The following CDK14 variants were observed in gnomAD, a reference collection of about 807,000 sequenced individuals.
CDK14 encodes the protein cyclin dependent kinase 14.
In CDK14, 34 loss-of-function variants were observed where a neutral mutation model predicts 60.7. That is an observed-to-expected ratio of 0.56 (90% CI 0.43 to 0.75). CDK14 has a LOEUF of 0.75. CDK14 is among the 30% of genes least tolerant of loss of function. The pLI, the probability that CDK14 is intolerant of heterozygous loss-of-function variation, is 0.00. For missense variants in CDK14, 482 were observed against 564.1 expected (o/e 0.85, Z 1.47); for synonymous variants, 197 against 203.7 (o/e 0.97, Z 0.28).
intron 2 of CDK14, among the ~76,000 whole-genome samples, chr7:90,661,636 T>G (rs1298672285): frequency 6.6e-6 from 1 of 152,212 alleles, no homozygotes; most frequent in South Asian, 2.1e-4. Context: ...GCCTTGTCAC[T>G]GTAGGTCATC....
At chr7:91,177,905 A>C (rs1801831538) in intron 14 of CDK14, among the ~76,000 whole-genome samples, 2 of 146,530 alleles carry the variant, frequency 1.4e-5, no homozygotes, top group South Asian at 4.5e-4. Flanking sequence ...TTATAGATTC[A>C]ATGCCATCCC....
chr7:90,664,837 C>G (rs994432417), intron 2 of CDK14, among the ~76,000 whole-genome samples: 3 of 151,704 alleles, frequency 2.0e-5, no homozygotes, highest in Non-Finnish European at 4.4e-5. Context: ...ATACCTAATG[C>G]TAAATGACGA....
intron 14 of CDK14, among the ~76,000 whole-genome samples, chr7:91,135,665 G>A (rs1713553339): frequency 6.6e-6 from 1 of 152,158 alleles, no homozygotes; most frequent in South Asian, 2.1e-4. Flanking sequence ...TCAAAGCCTT[G>A]GTCTCAGCCT....
At chr7:90,736,548 A>G (rs1020433021) in intron 3 of CDK14, among the ~76,000 whole-genome samples, 1 of 151,582 alleles carries the variant, frequency 6.6e-6, no homozygotes, top group Admixed American at 6.6e-5. Flanking sequence ...GTTATTTTTA[A>G]CAATGCTTAG....
chr7:91,091,286 G>T, intron 12 of CDK14, among the ~76,000 whole-genome samples: 1 of 142,888 alleles, frequency 7.0e-6, no homozygotes, highest in African/African-American at 2.6e-5. Flanking sequence ...AAATATATAT[G>T]TATATATTTT....
chr7:90,709,407 T>C, intron 2 of CDK14: 3 of 1,409,412 alleles, frequency 2.1e-6, no homozygotes, highest in South Asian at 3.2e-5. Context: ...TGCATCCCCT[T>C]GATTAAATGT....
At chr7:90,883,195 C>G (rs1417983596) in intron 6 of CDK14, among the ~76,000 whole-genome samples, 1 of 151,662 alleles carries the variant, frequency 6.6e-6, no homozygotes, top group Admixed American at 6.6e-5. Flanking sequence ...TACACAGCCT[C>G]CTAGCTAGAC....
chr7:91,059,012 C>T (rs566064175), intron 11 of CDK14, among the ~76,000 whole-genome samples: 11 of 152,054 alleles, frequency 7.2e-5, no homozygotes, highest in African/African-American at 2.7e-4. Flanking sequence ...TGGTAGAATT[C>T]GACTATGAGT....
intron 5 of CDK14, among the ~76,000 whole-genome samples, chr7:90,796,275 G>T (rs1788423840): frequency 6.6e-6 from 1 of 152,168 alleles, no homozygotes; most frequent in Non-Finnish European, 1.5e-5. Flanking sequence ...ATTAGAAAAA[G>T]AAGAAACTGG....
At chr7:90,742,893 C>T (rs965343402) in intron 3 of CDK14, among the ~76,000 whole-genome samples, 4 of 151,762 alleles carry the variant, frequency 2.6e-5, no homozygotes, top group South Asian at 4.1e-4. Flanking sequence ...ATGCTTGGTA[C>T]GGAGGTATTT....
At chr7:90,772,106 T>C (rs1367210772) in intron 4 of CDK14, among the ~76,000 whole-genome samples, 1 of 152,192 alleles carries the variant, frequency 6.6e-6, no homozygotes, top group Non-Finnish European at 1.5e-5. Flanking sequence ...CCTGGGTTCA[T>C]AGAGTAACAT....
intron 11 of CDK14, 110 bp downstream of exon 11, chr7:91,046,070 G>T (rs1797223604): frequency 1.4e-6 from 1 of 704,182 alleles, no homozygotes; most frequent in Non-Finnish European, 2.6e-6. Context: ...GGTTACTTTT[G>T]CCATTGTGTA....
At chr7:90,698,138 T>TA (rs1801706433) in intron 2 of CDK14, among the ~76,000 whole-genome samples, 1 of 151,238 alleles carries the variant, frequency 6.6e-6, no homozygotes, top group African/African-American at 2.4e-5. Context: ...AAAAAGTACT[T>TA]AAAGAAAATT....
chr7:90,655,710 G>T (rs749321208), intron 2 of CDK14, among the ~76,000 whole-genome samples: 1 of 152,154 alleles, frequency 6.6e-6, no homozygotes. Flanking sequence ...CACTTCTTTG[G>T]TTGTTAACAT....
intron 10 of CDK14, among the ~76,000 whole-genome samples, chr7:91,037,311 T>G (rs1182767350): frequency 6.6e-6 from 1 of 152,304 alleles, no homozygotes; most frequent in Admixed American, 6.5e-5. Context: ...TTCCTTCAAG[T>G]AACTGATAAA....
At chr7:90,787,282 A>G (rs1222509377) in intron 4 of CDK14, among the ~76,000 whole-genome samples, 2 of 152,174 alleles carry the variant, frequency 1.3e-5, no homozygotes, top group African/African-American at 2.4e-5. Context: ...GTTTTGAAAC[A>G]TGTCTGCTGG....
At chr7:90,796,348 G>A (rs1377142414) in intron 5 of CDK14, among the ~76,000 whole-genome samples, 1 of 152,132 alleles carries the variant, frequency 6.6e-6, no homozygotes, top group African/African-American at 2.4e-5. Flanking sequence ...TTAGATGTTA[G>A]TAACAAAAAA....
intron 4 of CDK14, among the ~76,000 whole-genome samples, chr7:90,758,554 A>G (rs1804176301): frequency 6.6e-6 from 1 of 152,172 alleles, no homozygotes; most frequent in South Asian, 2.1e-4. Context: ...AGATGTGTTA[A>G]TATTTTTTGA....
At chr7:90,804,465 G>A (rs1018844833) in intron 5 of CDK14, among the ~76,000 whole-genome samples, 2 of 152,010 alleles carry the variant, frequency 1.3e-5, no homozygotes, top group African/African-American at 2.4e-5. Flanking sequence ...AACATGAATT[G>A]CTTAAAGCGT....
Sources: gnomAD v4.1 joint callset for allele counts (sites outside exome capture counted in the v4.1 genomes callset) on GRCh38, gnomAD v4.1.1 for gene constraint, MANE v1.5 for transcripts, NCBI Gene and HGNC (gene_info 2026-07-23, HGNC 2026-07-21) for gene names.